Variants in STAT3 observed in about 807,000 individuals in gnomAD.
STAT3 encodes DNA-binding protein APRF.
STAT3 carries 7 observed loss-of-function variants against 114.3 expected under a neutral mutation model. That is an observed-to-expected ratio of 0.06 (90% confidence interval 0.03 to 0.11). The LOEUF is 0.11. Among genes scored for constraint, STAT3 ranks in the 10% least tolerant of loss-of-function variants. The pLI is 1.00. For missense variants in STAT3, 364 were observed against 960.9 expected, an observed-to-expected ratio of 0.38 and a Z score of 8.21; for synonymous variants, 331 against 354.5, an observed-to-expected ratio of 0.93 and a Z score of 0.74.
Position 42,351,215 on chromosome 17 carries a change from ATT to A in STAT3, c.-23-2678_-23-2677del, listed in dbSNP as rs2082938749. Among the ~76,000 whole-genome samples the A allele has an allele frequency of 2.0e-5, 3 of 151,924 alleles. No individual in the cohort carries two copies. In the South Asian group the frequency reaches 6.2e-4, roughly 31 times the overall value. On this transcript the variant is annotated intron_variant, in intron 1 of 23. Transcript: ENST00000264657. ...TTTCATTTAATATATCCAAAATGTT[ATT>A]GCAACATATGAACATACAAAACATA...
chr17:42,330,201 C>A (rs1397172445), intron 11 of STAT3, among the ~76,000 whole-genome samples: 1 of 151,514 alleles, frequency 6.6e-6, no homozygotes. Flanking sequence ...ACCACAACCT[C>A]CACCTCCTGA....
In STAT3 at chr17:42,388,353, G is replaced by T; in HGVS notation, c.-98C>A. 1 of 1,231,916 alleles carries T rather than the reference G, an allele frequency of 8.1e-7. No homozygotes were observed. Among genetic ancestry groups the T allele is most frequent in the Non-Finnish European group, 1.0e-6 (1 of 988,140 alleles). The allele number at this position is 1,231,916 out of a possible 1,614,324, so 76.3% of individuals were successfully genotyped here. On this transcript the variant is annotated 5_prime_UTR_variant, in exon 1 of 24. Coordinates refer to ENST00000264657, the MANE Select transcript of STAT3 (RefSeq NM_139276.3). ...ACGGGCGGCGAGGCTCCCTCAGGCC[G>T]AAGGGCCTCTCCGAGCCGAGGGGGA...
At position 42,315,104 on chromosome 17, in the gene STAT3, C is replaced by T. The variant is rs2144601822; in HGVS notation, c.*641G>A. 1.0e-5 allele frequency: 2 copies of T among 192,266 alleles called. No homozygotes were observed. The highest frequency in any genetic ancestry group is 1.7e-4 in the East Asian group (2 of 12,036). 11.9% of individuals were successfully genotyped at this position (192,266 alleles called of 1,614,324 possible). A position where few individuals can be genotyped will look rare whatever the true frequency, so the allele number is the denominator to read the frequency against. On this transcript the variant is annotated 3_prime_UTR_variant, in exon 24 of 24. Coordinates refer to ENST00000264657, the MANE Select transcript of STAT3 (RefSeq NM_139276.3). ...CTTGATCTCCTGACCTTATGATCCG[C>T]CTCGGCCTCCCAAAGTGCTGGGATT...
intron 1 of STAT3, chr17:42,387,472 T>G (rs1359463361): frequency 1.3e-5 from 2 of 152,222 alleles, no homozygotes; most frequent in South Asian, 4.1e-4. Context: ...CACAATCCAG[T>G]AAATGCAATG....
intron 1 of STAT3, among the ~76,000 whole-genome samples, chr17:42,380,228 G>A (rs906294617): frequency 6.6e-6 from 1 of 151,614 alleles, no homozygotes; most frequent in Non-Finnish European, 1.5e-5. Flanking sequence ...GTAGAGACGG[G>A]GTCTCACTAT....
At chr17:42,320,725 T>C (rs2081435704) in intron 21 of STAT3, among the ~76,000 whole-genome samples, 1 of 100,288 alleles carries the variant, frequency 1.0e-5, no homozygotes, top group African/African-American at 4.5e-5. Flanking sequence ...CAAGACTTAG[T>C]CTAAAAAAAA....
At chr17:42,380,730 C>T (rs1358472864) in intron 1 of STAT3, among the ~76,000 whole-genome samples, 2 of 152,044 alleles carry the variant, frequency 1.3e-5, no homozygotes, top group African/African-American at 4.8e-5. Flanking sequence ...GCCTAGGCAA[C>T]GTGACGAGAT....
Position 42,316,815 on chromosome 17 carries a change from G to C in STAT3, c.2231C>G (p.Ala744Gly). The C allele has an allele frequency of 6.2e-7, 1 of 1,613,836 alleles. No homozygotes were observed. Among genetic ancestry groups the C allele is most frequent in the Non-Finnish European group, 8.5e-7 (1 of 1,179,968 alleles). ...AAACTGCCCTCCTGCTGAGGGTTCA[G>C]CACCTTCACCATTATTTCCAAACTG... is the stretch of plus-strand genomic sequence containing the variant. ...LMQFGNNGEG[A>G]EPSAGGQFES... Residue 744 changes from alanine (A) to glycine (G), a missense_variant, in exon 23 of 24, where the codon GCT becomes GGT. Ala to Gly is a moderately conservative substitution (Grantham distance 60). Around this residue, in one of 5 missense-constraint regions of STAT3, gnomAD observed 37 missense variants for 66.5 expected, o/e 0.56. Transcript: ENST00000264657.
Position 42,388,398 on chromosome 17 carries a change from G to T in STAT3, c.-143C>A, listed in dbSNP as rs983800518. Reference sequence around the variant, plus strand: ...GGGGGAGAGACAGCGCCAAGCCGGGGTGCCTGTCCAGGATCCGGTTGGGGC... The same window carrying T: ...GGGGGAGAGACAGCGCCAAGCCGGGTTGCCTGTCCAGGATCCGGTTGGGGC... On this transcript the variant is annotated 5_prime_UTR_variant, in exon 1 of 24. Coordinates refer to ENST00000264657, the MANE Select transcript of STAT3 (RefSeq NM_139276.3). The T allele has an allele frequency of 1.6e-6, 2 of 1,231,688 alleles. No individual in the cohort carries two copies. Among genetic ancestry groups the T allele is most frequent in the Non-Finnish European group, 2.0e-6 (2 of 987,892 alleles). The allele number at this position is 1,231,688 out of a possible 1,614,324, so 76.3% of individuals were successfully genotyped here.
intron 4 of STAT3, 159 bp downstream of exon 4, chr17:42,345,400 T>C (rs2082651481): frequency 4.3e-6 from 3 of 699,708 alleles, no homozygotes; most frequent in Non-Finnish European, 7.0e-6. Context: ...GGGGTGGAAC[T>C]TTCTTTTTTT....
intron 1 of STAT3, among the ~76,000 whole-genome samples, chr17:42,352,469 T>G (rs2083016064): frequency 6.6e-6 from 1 of 152,148 alleles, no homozygotes; most frequent in South Asian, 2.1e-4. Flanking sequence ...GTGCATACTA[T>G]ATGCTGAAGC....
intron 21 of STAT3, among the ~76,000 whole-genome samples, chr17:42,319,331 C>G (rs2081371501): frequency 6.6e-6 from 1 of 151,958 alleles, no homozygotes; most frequent in African/African-American, 2.4e-5. Flanking sequence ...CACTTGAGGT[C>G]AGGGGTTCGA....
intron 3 of STAT3, 58 bp from the exon 4 acceptor site, chr17:42,345,715 G>T: frequency 7.0e-7 from 1 of 1,437,104 alleles, no homozygotes; most frequent in Non-Finnish European, 9.6e-7. Context: ...GATGTGGACT[G>T]AACTGTGGCA....
At chr17:42,327,517 T>C (rs12103893) in intron 14 of STAT3, among the ~76,000 whole-genome samples, 25,079 of 152,166 alleles carry the variant, frequency 0.16, 2,393 homozygotes, top group East Asian at 0.36. Flanking sequence ...CTAATGTTGA[T>C]GGGTATTTAT....
chr17:42,361,439 C>T (rs542869115), intron 1 of STAT3, among the ~76,000 whole-genome samples: 26 of 150,946 alleles, frequency 1.7e-4, no homozygotes, highest in African/African-American at 5.6e-4. Context: ...GCTGAGATCA[C>T]GCCATTGCAC....
chr17:42,370,915 T>C (rs1216208040), intron 1 of STAT3, among the ~76,000 whole-genome samples: 4 of 152,186 alleles, frequency 2.6e-5, no homozygotes, highest in Admixed American at 2.6e-4. Flanking sequence ...GGCCTCCCTG[T>C]TAAGCCCAGT....
At chr17:42,326,236 G>A (rs1388523257) in intron 14 of STAT3, 37 bp from the exon 15 acceptor site, 1 of 1,594,826 alleles carries the variant, frequency 6.3e-7, no homozygotes, top group African/African-American at 1.3e-5. Flanking sequence ...GGCCAGGTGT[G>A]GTGGCTCATG....
chr17:42,340,669 C>G (rs1230463112), intron 4 of STAT3, among the ~76,000 whole-genome samples: 1 of 152,108 alleles, frequency 6.6e-6, no homozygotes, highest in Non-Finnish European at 1.5e-5. Context: ...TTCCCATGGT[C>G]CCTATCCAAG....
intron 1 of STAT3, among the ~76,000 whole-genome samples, chr17:42,374,922 T>C (rs2084368731): frequency 6.6e-6 from 1 of 152,188 alleles, no homozygotes; most frequent in Non-Finnish European, 1.5e-5. Flanking sequence ...TAAAGGAAAA[T>C]GAGAGCTTTA....
Sources: gnomAD v4.1 joint callset for allele counts (sites outside exome capture counted in the v4.1 genomes callset) on GRCh38, gnomAD v4.1.1 for gene constraint, gnomAD v4.1.1 regional missense constraint, MANE v1.5 for transcripts, NCBI Gene and HGNC (gene_info 2026-07-23, HGNC 2026-07-21) for gene names.